The following DNAI3 variants were observed in gnomAD, a reference collection of about 807,000 sequenced individuals.
DNAI3 encodes WD repeat domain 63.
Under a neutral mutation model 115.5 loss-of-function variants are expected in DNAI3, and 83 were observed. The observed-to-expected ratio is 0.72, with a 90% CI of 0.60 to 0.86. The LOEUF (loss-of-function observed/expected upper bound fraction) is 0.86, where lower values mean the gene tolerates loss of function less well. Ranked by LOEUF, DNAI3 falls within the 40% of genes least tolerant of loss-of-function variation. The probability of loss-of-function intolerance (pLI) is 0.00; values close to 1 mark genes in which losing one functional copy is unlikely to be tolerated. For synonymous variants in DNAI3, 320 were observed against 347.0 expected, an observed-to-expected ratio of 0.92 and a Z score of 0.86; for missense variants, 1,004 against 1,075.8, an observed-to-expected ratio of 0.93 and a Z score of 0.93.
rs59205168 is a variant in DNAI3, at chr1:85,084,277, T to TATATATATATATAC, written c.391-268_391-267insTATATATATATACA. On this transcript the variant is annotated intron_variant, in intron 5 of 22. Coordinates refer to ENST00000294664, the MANE Select transcript of DNAI3 (RefSeq NM_145172.5). Reference sequence around the variant, plus strand: ...ATATATATATATATATATATATATATACACATCCATATGTAGAGATGTGTA... The same window carrying TATATATATATATAC: ...ATATATATATATATATATATATATATATATATATATATACACACATCCATATGTAGAGATGTGTA... Among the ~76,000 whole-genome samples the TATATATATATATAC allele has an allele frequency of 2.2e-3, 283 of 128,440 alleles. 4 individuals carry two copies. Among genetic ancestry groups the TATATATATATATAC allele is most frequent in the Middle Eastern group, 0.02 (3 of 152 alleles). 84.3% of individuals were successfully genotyped at this position (128,440 alleles called of 152,430 possible). A position where few individuals can be genotyped will look rare whatever the true frequency, so the allele number is the denominator to read the frequency against.
At position 85,128,709 on chromosome 1, in the gene DNAI3, T is replaced by C. The variant is rs2305930; in HGVS notation, c.2319T>C (p.Ser773=). Residue 773 remains serine (S), a splice_region_variant and synonymous_variant, in exon 21 of 23, where the codon TCT becomes TCC. Transcript: ENST00000294664. ...TCCCATTTATTTTAAAATTTTCAGCTAAACAGCAATTTATAGCCACAGCTG... is the reference window on the plus strand; with the variant it reads ...TCCCATTTATTTTAAAATTTTCAGCCAAACAGCAATTTATAGCCACAGCTG... ...ITYIKPWIFS[S]KQQFIATADY... The C allele has an allele frequency of 0.063, 101,211 of 1,603,062 alleles. 3,476 individuals are homozygous for C. The highest frequency in any genetic ancestry group is 0.13 in the East Asian group (5,637 of 44,770).
rs895251962 is a variant in DNAI3, at chr1:85,128,934, G to T, written c.2409+135G>T. On this transcript the variant is annotated intron_variant, in intron 21 of 22. Coordinates refer to ENST00000294664, the MANE Select transcript of DNAI3 (RefSeq NM_145172.5). The stretch of plus-strand genomic sequence containing the variant: ...AGACTCATACAGTAAATAAGAGGAT[G>T]TATTTCTGTTGTATGAGTTAAATAG... 4 of 747,106 alleles carry T rather than the reference G, an allele frequency of 5.4e-6. No individual in the cohort carries two copies. In the African/African-American group the frequency reaches 7.4e-5, roughly 14 times the overall value. 46.3% of individuals were successfully genotyped at this position (747,106 alleles called of 1,614,324 possible). A position where few individuals can be genotyped will look rare whatever the true frequency, so the allele number is the denominator to read the frequency against.
chr1:85,114,144 C>G (rs371964033), intron 16 of DNAI3, among the ~76,000 whole-genome samples: 4 of 151,780 alleles, frequency 2.6e-5, no homozygotes, highest in African/African-American at 9.7e-5. Flanking sequence ...TCCCGAGTAG[C>G]TGGGACCACA....
chr1:85,068,447 A>C (rs1308725266), intron 1 of DNAI3, among the ~76,000 whole-genome samples: 2 of 152,164 alleles, frequency 1.3e-5, no homozygotes, highest in African/African-American at 4.8e-5. Flanking sequence ...CACTTTTCCC[A>C]TATCACTTTC....
chr1:85,106,536 C>T (rs1391704544), intron 14 of DNAI3, among the ~76,000 whole-genome samples: 1 of 152,104 alleles, frequency 6.6e-6, no homozygotes, highest in African/African-American at 2.4e-5. Context: ...CATTAGCTGT[C>T]AGGGGAAGGC....
At chr1:85,091,805 G>A (rs530377563) in intron 8 of DNAI3, among the ~76,000 whole-genome samples, 1 of 152,016 alleles carries the variant, frequency 6.6e-6, no homozygotes, top group African/African-American at 2.4e-5. Flanking sequence ...TGTTACTCTC[G>A]GGAGCTACAT....
chr1:85,092,846 C>G (rs1470513406), intron 8 of DNAI3, among the ~76,000 whole-genome samples: 4 of 148,882 alleles, frequency 2.7e-5, no homozygotes, highest in Non-Finnish European at 6.0e-5. Flanking sequence ...CTTCTAAACT[C>G]CAATTCTTCC....
chr1:85,088,114 A>G (rs943045696), intron 7 of DNAI3, among the ~76,000 whole-genome samples: 1 of 145,746 alleles, frequency 6.9e-6, no homozygotes, highest in Non-Finnish European at 1.5e-5. Flanking sequence ...GAGAGAGGTG[A>G]TATATTAGTA....
Position 85,117,827 on chromosome 1 carries a change from G to T in DNAI3, c.1885G>T (p.Asp629Tyr), listed in dbSNP as rs1386265447. The T allele has an allele frequency of 6.2e-7, 1 of 1,613,728 alleles. No homozygotes were observed. The highest frequency in any genetic ancestry group is 1.7e-5 in the Admixed American group (1 of 60,020). Residue 629 changes from aspartate to tyrosine, a missense_variant, in exon 17 of 23, where the codon GAC becomes TAC. Transcript: ENST00000294664. ...GGCCAATCTTCTCAAGCCAATAGAT[G>T]ACTTCTGCACAAAGTTCTTTGTGGG... is the stretch of plus-strand genomic sequence containing the variant. ...GMANLLKPID[D>Y]FCTKFFVGTE...
intron 13 of DNAI3, among the ~76,000 whole-genome samples, chr1:85,101,476 G>C (rs984362061): frequency 1.3e-5 from 2 of 152,020 alleles, no homozygotes; most frequent in Non-Finnish European, 2.9e-5. Context: ...TGTAATCCCA[G>C]CACTTTGGGA....
At chr1:85,117,681 A>C in intron 16 of DNAI3, 48 bp from the exon 17 acceptor site, 1 of 1,596,742 alleles carries the variant, frequency 6.3e-7, no homozygotes. Flanking sequence ...ATTTTAAAAG[A>C]TGTTTCCCTG....
intron 7 of DNAI3, among the ~76,000 whole-genome samples, chr1:85,086,333 A>G (rs1307242504): frequency 2.6e-5 from 4 of 152,190 alleles, no homozygotes. Flanking sequence ...CATGCCCCTC[A>G]TTGCTCTGTT....
intron 21 of DNAI3, among the ~76,000 whole-genome samples, chr1:85,129,578 C>T (rs1296305361): frequency 6.6e-6 from 1 of 152,080 alleles, no homozygotes; most frequent in African/African-American, 2.4e-5. Context: ...GAAACTTCCC[C>T]CAGATTTAGA....
chr1:85,112,711 A>G (rs1035904095), intron 16 of DNAI3, among the ~76,000 whole-genome samples: 16 of 152,192 alleles, frequency 1.1e-4, no homozygotes, highest in Non-Finnish European at 1.6e-4. Flanking sequence ...TGCCACCTGT[A>G]TATCTTCCCT....
At chr1:85,074,977 C>G (rs369764818) in intron 3 of DNAI3, among the ~76,000 whole-genome samples, 1 of 152,230 alleles carries the variant, frequency 6.6e-6, no homozygotes. Context: ...CACAGCTACC[C>G]TTCTTAGTTC....
intron 12 of DNAI3, 99 bp from the exon 13 acceptor site, chr1:85,098,431 T>A: frequency 7.1e-7 from 1 of 1,407,530 alleles, no homozygotes; most frequent in Non-Finnish European, 9.7e-7. Context: ...AACTGGTATA[T>A]CTCTAAATTG....
At chr1:85,107,947 T>G in intron 14 of DNAI3, 86 bp from the exon 15 acceptor site, 1 of 968,280 alleles carries the variant, frequency 1.0e-6, no homozygotes, top group Non-Finnish European at 1.4e-6. Context: ...ATGGTCACAA[T>G]GCTAATATGT....
intron 18 of DNAI3, 42 bp downstream of exon 18, chr1:85,121,856 T>C (rs1472654540): frequency 6.2e-7 from 1 of 1,603,354 alleles, no homozygotes; most frequent in South Asian, 1.1e-5. Flanking sequence ...GATGTTCCTT[T>C]TAATTTAAAC....
chr1:85,128,639 C>A (rs1234842294), intron 20 of DNAI3, 69 bp from the exon 21 acceptor site: 1 of 1,313,754 alleles, frequency 7.6e-7, no homozygotes, highest in East Asian at 2.3e-5. Flanking sequence ...AAACATACTT[C>A]ATGTTTAACT....
Sources: allele counts gnomAD v4.1 joint callset (sites outside exome capture counted in the v4.1 genomes callset), GRCh38; gene constraint gnomAD v4.1.1; transcripts MANE v1.5; gene names NCBI Gene and HGNC (gene_info 2026-07-23, HGNC 2026-07-21).